The following SIPA1L2 variants were observed in gnomAD, a reference collection of about 807,000 sequenced individuals.
SIPA1L2 encodes signal induced proliferation associated 1 like 2, also known as signal-induced proliferation-associated 1-like protein 2.
Under a neutral mutation model 163.9 loss-of-function variants are expected in SIPA1L2, and 56 were observed. The ratio of observed to expected loss-of-function variants is 0.34; its 90% confidence interval spans 0.28 to 0.43. The LOEUF is 0.43. SIPA1L2 is among the 20% of genes least tolerant of loss of function. The pLI, the probability that SIPA1L2 is intolerant of heterozygous loss-of-function variation, is 1.00. For missense variants in SIPA1L2, 1,974 were observed against 2,193.5 expected, an observed-to-expected ratio of 0.90 and a Z score of 2.00; for synonymous variants, 877 against 865.7, an observed-to-expected ratio of 1.01 and a Z score of -0.23.
chr1:232,519,357 G>A (rs1322140541), intron 2 of SIPA1L2, among the ~76,000 whole-genome samples: 9 of 152,182 alleles, frequency 5.9e-5, no homozygotes, highest in Non-Finnish European at 1.2e-4. Flanking sequence ...ACGCGGCTGT[G>A]TGCAGAGCTC....
intron 3 of SIPA1L2, among the ~76,000 whole-genome samples, chr1:232,505,332 T>A (rs1484254387): frequency 6.6e-6 from 1 of 152,232 alleles, no homozygotes. Flanking sequence ...AGTTTCTACA[T>A]TCTTTAAGAA....
chr1:232,523,385 T>C (rs1404157753), intron 2 of SIPA1L2, among the ~76,000 whole-genome samples: 4 of 152,168 alleles, frequency 2.6e-5, no homozygotes, highest in East Asian at 1.9e-4. Context: ...TATTAGTTAA[T>C]ACATCTTTTC....
intron 3 of SIPA1L2, among the ~76,000 whole-genome samples, chr1:232,508,958 G>A (rs985783104): frequency 6.6e-6 from 1 of 152,202 alleles, no homozygotes; most frequent in Non-Finnish European, 1.5e-5. Flanking sequence ...CGGGCGTGGT[G>A]GCACATGTCT....
At chr1:232,473,951 T>C (rs866729204) in intron 7 of SIPA1L2, among the ~76,000 whole-genome samples, 1 of 152,222 alleles carries the variant, frequency 6.6e-6, no homozygotes, top group Non-Finnish European at 1.5e-5. Context: ...CATTTTTCTG[T>C]TTTAGGACTT....
rs775401470 is a variant in SIPA1L2, at chr1:232,464,911, C to T, written c.2749G>A (p.Gly917Arg). ...LVSIKVFYER[G>R]ECVLLSSVDN... ...ACCGAGGACAGGAGGACACATTCTCCTCTTTCGTAAAACACTTTGATACTC... is the reference window on the plus strand; with the variant it reads ...ACCGAGGACAGGAGGACACATTCTCTTCTTTCGTAAAACACTTTGATACTC... The change falls in exon 9 of 23, where the codon GGA becomes AGA. Residue 917 changes from glycine (G) to arginine (R), a missense_variant. Around this residue, in one of 3 missense-constraint regions of SIPA1L2, gnomAD observed 1,079 missense variants for 1,150.7 expected, o/e 0.94. Coordinates refer to ENST00000674635, the MANE Select transcript of SIPA1L2 (RefSeq NM_020808.5). 3.1e-6 allele frequency: 5 copies of T among 1,614,184 alleles called. No individual in the cohort carries two copies. Among genetic ancestry groups the T allele is most frequent in the Non-Finnish European group, 2.5e-6 (3 of 1,180,018 alleles).
In SIPA1L2 at chr1:232,611,488, G is replaced by T. The variant is rs547402106; in HGVS notation, c.-319+18381C>A. 7.8e-4 allele frequency among the ~76,000 whole-genome samples: 119 copies of T among 152,290 alleles called. 2 individuals carry two copies. The highest frequency in any genetic ancestry group is 2.7e-3 in the African/African-American group (112 of 41,556). On this transcript the variant is annotated intron_variant, in intron 1 of 22. Transcript: ENST00000674635. ...TTGACCAAAAGCCTGATAGTGATAT[G>T]AACAATAAGGTCCAGGCTGAAGCGA...
intron 2 of SIPA1L2, among the ~76,000 whole-genome samples, chr1:232,552,544 A>AT (rs1194559093): frequency 2.0e-5 from 3 of 151,852 alleles, no homozygotes; most frequent in Non-Finnish European, 2.9e-5. Flanking sequence ...TTAATTTTGT[A>AT]TTTTTTGTAG....
chr1:232,493,437 A>G lies in SIPA1L2; in HGVS notation c.1617+90T>C. Reference sequence around the variant, plus strand: ...AATCATTAACATTAAAAAAAAATAAATTCAGTACCCTATCTAAAACAAACT... The same window carrying G: ...AATCATTAACATTAAAAAAAAATAAGTTCAGTACCCTATCTAAAACAAACT... On this transcript the variant is annotated intron_variant, in intron 4 of 22. Transcript: ENST00000674635. 7 of 1,473,378 alleles carry G rather than the reference A, an allele frequency of 4.8e-6. No homozygotes were observed. The South Asian group carries it at 5.1e-5, about 11-fold the overall frequency. The allele number at this position is 1,473,378 out of a possible 1,614,324, so 91.3% of individuals were successfully genotyped here. A position where few individuals can be genotyped will look rare whatever the true frequency, so the allele number is the denominator to read the frequency against.
At chr1:232,554,356 G>A (rs760713248) in intron 2 of SIPA1L2, among the ~76,000 whole-genome samples, 1 of 152,170 alleles carries the variant, frequency 6.6e-6, no homozygotes, top group Non-Finnish European at 1.5e-5. Context: ...GGCTCCTACA[G>A]GAAAGGATAT....
At chr1:232,432,667 C>A (rs1488885997) in intron 15 of SIPA1L2, among the ~76,000 whole-genome samples, 196 bp from the exon 16 acceptor site, 1 of 152,174 alleles carries the variant, frequency 6.6e-6, no homozygotes, top group African/African-American at 2.4e-5. Flanking sequence ...AGGTTACTCA[C>A]GTGCAAGTTG....
At chr1:232,613,868 A>G (rs2102878283) in intron 1 of SIPA1L2, among the ~76,000 whole-genome samples, 1 of 152,358 alleles carries the variant, frequency 6.6e-6, no homozygotes, top group South Asian at 2.1e-4. Context: ...GTTTGAACAC[A>G]AAAATGTAAG....
intron 4 of SIPA1L2, among the ~76,000 whole-genome samples, chr1:232,492,015 A>G (rs1454588489): frequency 3.9e-5 from 6 of 152,180 alleles, no homozygotes; most frequent in African/African-American, 7.2e-5. Flanking sequence ...TAAGTATTTA[A>G]ATTTAATTTA....
At chr1:232,508,769 C>A (rs1443607071) in intron 3 of SIPA1L2, among the ~76,000 whole-genome samples, 1 of 152,230 alleles carries the variant, frequency 6.6e-6, no homozygotes, top group Non-Finnish European at 1.5e-5. Context: ...GGCATTCACT[C>A]TACTTGCTAC....
intron 7 of SIPA1L2, among the ~76,000 whole-genome samples, chr1:232,476,021 T>C (rs1665028331): frequency 6.6e-6 from 1 of 152,204 alleles, no homozygotes; most frequent in Non-Finnish European, 1.5e-5. Context: ...CAAAATATTC[T>C]ATAGTATTAT....
chr1:232,592,823 G>C (rs1360922561), intron 1 of SIPA1L2, among the ~76,000 whole-genome samples: 1 of 139,662 alleles, frequency 7.2e-6, no homozygotes, highest in Non-Finnish European at 1.6e-5. Flanking sequence ...AAAAAAAAAA[G>C]GTGAAAATGC....
In SIPA1L2 at chr1:232,465,609, C is replaced by G. The variant is rs12568689; in HGVS notation, c.2244-193G>C. Among the ~76,000 whole-genome samples the G allele has an allele frequency of 0.13, 19,186 of 151,862 alleles. 2,773 individuals are homozygous for G. The highest frequency in any genetic ancestry group is 0.71 in the East Asian group (3,624 of 5,098). Reference sequence around the variant, plus strand: ...CAAGTTCTTGTTCTCCTAATTGCTGCATACCCAGGGTTTGTTGTTATTGTT... The same window carrying G: ...CAAGTTCTTGTTCTCCTAATTGCTGGATACCCAGGGTTTGTTGTTATTGTT... On this transcript the variant is annotated intron_variant, in intron 8 of 22. Transcript: ENST00000674635. The surrounding 1 kb of genome is among the most constrained non-coding windows in gnomAD (Gnocchi z 4.1).
intron 2 of SIPA1L2, among the ~76,000 whole-genome samples, chr1:232,564,149 CGTGTGTGTGTGTGTGTGT>C (rs560949113): frequency 2.9e-4 from 13 of 44,612 alleles, no homozygotes; most frequent in East Asian, 2.8e-3. Flanking sequence ...TTTTTTTTTT[CGTGTGTGTGTGTGTGTGT>C]GTGTGTGTGT....
Position 232,514,144 on chromosome 1 carries a change from T to C in SIPA1L2, c.1196A>G (p.Asp399Gly). ...AAGGACGAGGTCGTTACTTTTCCCATCACCCTCATCGGCATCCAGGTTCTC... is the reference window on the plus strand; with the variant it reads ...AAGGACGAGGTCGTTACTTTTCCCACCACCCTCATCGGCATCCAGGTTCTC... ...SKENLDADEG[D>G]GKSNDLVLSC... The change falls in exon 3 of 23, where the codon GAT becomes GGT. Residue 399 changes from aspartate (D) to glycine (G), a missense_variant. By Grantham distance (94) the Asp-to-Gly change is moderately conservative. Around this residue, in one of 3 missense-constraint regions of SIPA1L2, gnomAD observed 607 missense variants for 624.0 expected, o/e 0.97. Transcript: ENST00000674635. 6.2e-7 allele frequency: 1 copy of C among 1,614,236 alleles called. No individual in the cohort carries two copies. The highest frequency in any genetic ancestry group is 8.5e-7 in the Non-Finnish European group (1 of 1,180,042).
At chr1:232,534,836 TC>T (rs539895470) in intron 2 of SIPA1L2, among the ~76,000 whole-genome samples, 1 of 152,098 alleles carries the variant, frequency 6.6e-6, no homozygotes, top group Non-Finnish European at 1.5e-5. Flanking sequence ...TTAACACTGC[TC>T]CCCTGACACA....
Sources: gnomAD v4.1 joint callset for allele counts (sites outside exome capture counted in the v4.1 genomes callset) on GRCh38, gnomAD v4.1.1 for gene constraint, gnomAD v4.1.1 regional missense constraint, Gnocchi (gnomAD v3.1) non-coding constraint, MANE v1.5 for transcripts, NCBI Gene and HGNC (gene_info 2026-07-23, HGNC 2026-07-21) for gene names.